Variants in KMT2C observed in about 807,000 individuals in gnomAD.
KMT2C encodes the protein histone-lysine N-methyltransferase 2C.
Under a neutral mutation model 507.9 loss-of-function variants are expected in KMT2C, and 88 were observed. The observed-to-expected ratio is 0.17, with a 90% CI of 0.15 to 0.21. KMT2C has a LOEUF of 0.21. Ranked by LOEUF, KMT2C falls within the 10% of genes least tolerant of loss-of-function variation. The pLI is 1.00. For missense variants in KMT2C, 4,954 were observed against 5,957.8 expected (o/e 0.83, Z 5.55); for synonymous variants, 2,049 against 2,080.8 (o/e 0.98, Z 0.42).
At chr7:152,354,476 A>C (rs2097137409) in intron 2 of KMT2C, among the ~76,000 whole-genome samples, 1 of 152,222 alleles carries the variant, frequency 6.6e-6, no homozygotes, top group African/African-American at 2.4e-5. Flanking sequence ...TCTAGTGTGG[A>C]AAGCATACAA....
At chr7:152,197,652 TA>T (rs2094004607) in intron 27 of KMT2C, among the ~76,000 whole-genome samples, 1 of 152,130 alleles carries the variant, frequency 6.6e-6, no homozygotes, top group South Asian at 2.1e-4. Context: ...ACTATACAAT[TA>T]TAACTAATTT....
intron 9 of KMT2C, among the ~76,000 whole-genome samples, chr7:152,262,490 T>C (rs2095796709): frequency 6.6e-6 from 1 of 152,030 alleles, no homozygotes; most frequent in African/African-American, 2.4e-5. Context: ...CCAAGTGAGG[T>C]AGGAAGTTAG....
In KMT2C at chr7:152,315,213, T is replaced by G. The variant is rs1274984584; in HGVS notation, c.515A>C (p.Asp172Ala). 1 of 1,613,888 alleles carries G rather than the reference T, an allele frequency of 6.2e-7. No homozygotes were observed. The change falls in exon 4 of 59, where the codon GAC becomes GCC. Residue 172 changes from aspartate (D) to alanine (A), a missense_variant. Asp to Ala is a moderately radical substitution (Grantham distance 126). Transcript: ENST00000262189. Reference protein sequence around the residue: ...PWRNQPSNKKDIDDNSNGTYE... With the variant: ...PWRNQPSNKKAIDDNSNGTYE... ...GGTTCCATTGCTGTTGTCATCAATG[T>G]CCTTCTTGTTAGAAGGTTGGTTTCT... is the stretch of plus-strand genomic sequence containing the variant.
intron 23 of KMT2C, among the ~76,000 whole-genome samples, chr7:152,210,082 A>G (rs1462606454): frequency 6.6e-6 from 1 of 152,226 alleles, no homozygotes; most frequent in Non-Finnish European, 1.5e-5. Flanking sequence ...ATATGGGCAT[A>G]CTAAATGTGG....
At chr7:152,153,751 G>T (rs760066629) in intron 48 of KMT2C, among the ~76,000 whole-genome samples, 1 of 144,906 alleles carries the variant, frequency 6.9e-6, no homozygotes, top group Admixed American at 6.8e-5. Flanking sequence ...AAAAAAAAAA[G>T]AGTTCTCTAA....
intron 14 of KMT2C, among the ~76,000 whole-genome samples, chr7:152,246,525 A>T (rs73481059): frequency 6.6e-6 from 1 of 152,214 alleles, no homozygotes; most frequent in African/African-American, 2.4e-5. Flanking sequence ...ACAAAAGTCT[A>T]CAAGGAAGGA....
intron 6 of KMT2C, among the ~76,000 whole-genome samples, chr7:152,298,120 T>C (rs1465083102): frequency 3.3e-5 from 5 of 151,936 alleles, no homozygotes; most frequent in African/African-American, 1.2e-4. Flanking sequence ...AAAAAAAATC[T>C]TAAAAAGTGA....
chr7:152,405,004 C>G (rs2097599014), intron 1 of KMT2C, among the ~76,000 whole-genome samples: 1 of 152,226 alleles, frequency 6.6e-6, no homozygotes, highest in Non-Finnish European at 1.5e-5. Flanking sequence ...GCGTGTAGCA[C>G]TGTGCCTGGC....
At chr7:152,419,654 C>T (rs1162744276) in intron 1 of KMT2C, among the ~76,000 whole-genome samples, 2 of 152,112 alleles carry the variant, frequency 1.3e-5, no homozygotes, top group East Asian at 3.9e-4. Flanking sequence ...TCAAAATGCC[C>T]AATTTACTTT....
chr7:152,420,463 T>G (rs1321737048), intron 1 of KMT2C, among the ~76,000 whole-genome samples: 1 of 152,204 alleles, frequency 6.6e-6, no homozygotes, highest in East Asian at 1.9e-4. Flanking sequence ...AAGCGGGAAC[T>G]TCTGCACAGC....
At chr7:152,397,481 G>C (rs2097544295) in intron 1 of KMT2C, among the ~76,000 whole-genome samples, 1 of 152,116 alleles carries the variant, frequency 6.6e-6, no homozygotes, top group Admixed American at 6.6e-5. Context: ...TCTTACCACG[G>C]TGTGAAGGGC....
intron 15 of KMT2C, among the ~76,000 whole-genome samples, chr7:152,237,127 A>G (rs140116675): frequency 0.03 from 4,499 of 152,306 alleles, 221 homozygotes; most frequent in African/African-American, 0.1. Context: ...TGAATTATGT[A>G]TATTTAAAAT....
rs780142593 is a variant in KMT2C, at chr7:152,154,277, A to G, written c.12129T>C (p.Thr4043=). ...AAGTGTTGTTCTTACTTTTCCCAGC[A>G]GTGCTAGGAAGAATTGGAATGATGG... ...PSPIIPILPS[T]AGKSSESRRN... The change falls in exon 47 of 59, where the codon ACT becomes ACC. Residue 4043 remains threonine, a synonymous_variant. Transcript: ENST00000262189. 9 of 1,614,116 alleles carry G rather than the reference A, an allele frequency of 5.6e-6. No individual in the cohort carries two copies. The Admixed American group carries it at 1.0e-4, about 18-fold the overall frequency.
In KMT2C at chr7:152,255,410, C is replaced by T. The variant is rs565125170; in HGVS notation, c.1300-2695G>A. Among the ~76,000 whole-genome samples the T allele has an allele frequency of 3.8e-4, 58 of 151,926 alleles. 1 individual carries two copies. The highest frequency in any genetic ancestry group is 7.1e-4 in the Non-Finnish European group (48 of 67,978). On this transcript the variant is annotated intron_variant, in intron 9 of 58. Coordinates refer to ENST00000262189, the MANE Select transcript of KMT2C (RefSeq NM_170606.3). ...CAAACTCCTGAGCTCAAGCAACACC[C>T]CTGCCTTGGCCTCCCAAAGTGCTGG...
intron 24 of KMT2C, among the ~76,000 whole-genome samples, chr7:152,205,911 T>C (rs1019518835): frequency 1.3e-4 from 20 of 152,196 alleles, no homozygotes; most frequent in African/African-American, 4.6e-4. Flanking sequence ...ACTACCTAGA[T>C]GACACAAATA....
chr7:152,175,771 T>C (rs2093176687), intron 38 of KMT2C, among the ~76,000 whole-genome samples: 1 of 152,150 alleles, frequency 6.6e-6, no homozygotes, highest in Non-Finnish European at 1.5e-5. Context: ...CCAAGCAGGG[T>C]GGCTCACGCC....
chr7:152,274,024 C>T (rs1259206537), intron 6 of KMT2C, among the ~76,000 whole-genome samples, 157 bp from the exon 7 acceptor site: 1 of 152,088 alleles, frequency 6.6e-6, no homozygotes, highest in Non-Finnish European at 1.5e-5. Flanking sequence ...ATAATAAAAT[C>T]TACATTACTC....
chr7:152,310,923 C>T (rs1001566173), intron 5 of KMT2C, among the ~76,000 whole-genome samples: 1 of 151,850 alleles, frequency 6.6e-6, no homozygotes, highest in African/African-American at 2.4e-5. Context: ...TGAGTTCAAG[C>T]GATCCACCTA....
At chr7:152,331,945 G>A (rs758383174) in intron 2 of KMT2C, among the ~76,000 whole-genome samples, 3 of 150,538 alleles carry the variant, frequency 2.0e-5, no homozygotes, top group African/African-American at 7.3e-5. Flanking sequence ...CACTGTGCCC[G>A]GCCAAAAAAA....
Sources: allele counts gnomAD v4.1 joint callset (sites outside exome capture counted in the v4.1 genomes callset), GRCh38; gene constraint gnomAD v4.1.1; transcripts MANE v1.5; gene names NCBI Gene and HGNC (gene_info 2026-07-23, HGNC 2026-07-21).